Variants in HPSE2 observed in about 807,000 individuals in gnomAD.
The protein encoded by HPSE2 is heparanase 2 (inactive).
A neutral mutation model predicts 60.5 loss-of-function variants in HPSE2; 38 were observed. The ratio of observed to expected loss-of-function variants is 0.63; its 90% CI spans 0.48 to 0.82. The LOEUF (loss-of-function observed/expected upper bound fraction) is 0.82, where lower values mean the gene tolerates loss of function less well. Ranked by LOEUF, HPSE2 falls within the 40% of genes least tolerant of loss-of-function variation. HPSE2 has a pLI of 0.00. For missense variants in HPSE2, 713 were observed against 740.4 expected (o/e 0.96, Z 0.43); for synonymous variants, 295 against 293.2 (o/e 1.01, Z -0.06).
chr10:99,261,927 T>C, the HPSE2 span, among the ~76,000 whole-genome samples: 382 of 152,318 alleles, frequency 2.5e-3, 2 homozygotes, highest in Middle Eastern at 0.02. Flanking sequence ...TCCTCAGCTG[T>C]GTCCCATCTT....
In HPSE2 at chr10:98,938,575, T is replaced by C. The variant is rs1311332984; in HGVS notation, c.611-194519A>G. ...AAACAAACAAAGCCTCCAAGTAATA[T>C]GGGACTATGTGAAAAGACCAAATCT... is the stretch of plus-strand genomic sequence containing the variant. On this transcript the variant is annotated intron_variant, in intron 3 of 11. Coordinates refer to ENST00000370552, the MANE Select transcript of HPSE2 (RefSeq NM_021828.5). Among the ~76,000 whole-genome samples the C allele has an allele frequency of 8.3e-5, 12 of 143,922 alleles. 1 individual carries two copies. Among genetic ancestry groups the C allele is most frequent in the Non-Finnish European group, 1.3e-4 (9 of 67,214 alleles). The allele number at this position is 143,922 out of a possible 152,430, so 94.4% of individuals were successfully genotyped here.
chr10:98,806,239 A>C (rs1047199832), intron 3 of HPSE2, among the ~76,000 whole-genome samples: 8 of 152,184 alleles, frequency 5.3e-5, no homozygotes, highest in African/African-American at 1.9e-4. Context: ...AGAAATGAAA[A>C]ACCAAGACTT....
chr10:98,661,411 T>C (rs567410882), intron 6 of HPSE2, among the ~76,000 whole-genome samples: 2 of 152,338 alleles, frequency 1.3e-5, no homozygotes, highest in South Asian at 4.1e-4. Flanking sequence ...ACAAAAAGCA[T>C]ATGGTAAAAA....
At chr10:99,257,474 G>C in the HPSE2 span, among the ~76,000 whole-genome samples, 1 of 152,168 alleles carries the variant, frequency 6.6e-6, no homozygotes, top group African/African-American at 2.4e-5. Flanking sequence ...TATGGTCGAA[G>C]CTGTAGGGAT....
intron 2 of HPSE2, among the ~76,000 whole-genome samples, chr10:99,173,947 A>C (rs1409024477): frequency 2.1e-5 from 1 of 46,798 alleles, no homozygotes; most frequent in Non-Finnish European, 1.0e-4. Context: ...CTGTCTCAAA[A>C]AAAAAAAAAA....
intron 7 of HPSE2, among the ~76,000 whole-genome samples, chr10:98,633,930 A>G (rs1946430138): frequency 6.6e-6 from 1 of 152,368 alleles, no homozygotes. Context: ...ATCCTAATGT[A>G]GAATGAAAGA....
chr10:99,132,191 AAGAG>A (rs781059893), intron 3 of HPSE2, among the ~76,000 whole-genome samples: 21 of 71,900 alleles, frequency 2.9e-4, no homozygotes, highest in African/African-American at 1.3e-3. Flanking sequence ...GAAAGAAAGA[AAGAG>A]AGAGAGAGAG....
chr10:98,669,779 C>A (rs1947458706), intron 6 of HPSE2, among the ~76,000 whole-genome samples: 1 of 152,146 alleles, frequency 6.6e-6, no homozygotes, highest in African/African-American at 2.4e-5. Context: ...CTGTTGGGTA[C>A]TATGCTCACT....
chr10:99,188,107 A>T (rs1288411070), intron 2 of HPSE2, among the ~76,000 whole-genome samples: 1 of 152,218 alleles, frequency 6.6e-6, no homozygotes, highest in Non-Finnish European at 1.5e-5. Flanking sequence ...TGGGTCCTCC[A>T]ATCCCCTATG....
At chr10:98,944,098 A>G (rs1161788486) in intron 3 of HPSE2, among the ~76,000 whole-genome samples, 1 of 152,198 alleles carries the variant, frequency 6.6e-6, no homozygotes, top group Admixed American at 6.5e-5. Context: ...AGGTACAGGG[A>G]AGATGCTGAT....
At chr10:99,032,147 T>A (rs1040866465) in intron 3 of HPSE2, among the ~76,000 whole-genome samples, 2 of 152,168 alleles carry the variant, frequency 1.3e-5, no homozygotes, top group African/African-American at 4.8e-5. Flanking sequence ...TCCTGCTGAA[T>A]GTTTGGAGGA....
chr10:98,889,096 A>T (rs1482730673), intron 3 of HPSE2, among the ~76,000 whole-genome samples: 1 of 151,542 alleles, frequency 6.6e-6, no homozygotes, highest in Admixed American at 6.6e-5. Context: ...AACAACATAG[A>T]TTTTTTTTTC....
chr10:98,573,432 G>C (rs1484270123), intron 9 of HPSE2, among the ~76,000 whole-genome samples: 3 of 149,700 alleles, frequency 2.0e-5, no homozygotes, highest in Non-Finnish European at 4.4e-5. Flanking sequence ...ATTTTACCAT[G>C]AGGCAACTGA....
At chr10:98,599,332 T>C (rs140947559) in intron 9 of HPSE2, among the ~76,000 whole-genome samples, 2 of 152,204 alleles carry the variant, frequency 1.3e-5, no homozygotes, top group East Asian at 3.9e-4. Context: ...AATTGAACGG[T>C]GCTATCCTGA....
At chr10:98,580,442 C>T (rs917151254) in intron 9 of HPSE2, among the ~76,000 whole-genome samples, 2 of 151,878 alleles carry the variant, frequency 1.3e-5, no homozygotes, top group African/African-American at 4.8e-5. Flanking sequence ...TATTTTGTAT[C>T]TTTTTGTTTT....
At chr10:99,264,970 T>G in the HPSE2 span, among the ~76,000 whole-genome samples, 1 of 152,158 alleles carries the variant, frequency 6.6e-6, no homozygotes, top group African/African-American at 2.4e-5. Flanking sequence ...CATTTTGTTT[T>G]TTCTTATTAA....
At chr10:99,273,195 G>GTC in the HPSE2 span, among the ~76,000 whole-genome samples, 2 of 152,166 alleles carry the variant, frequency 1.3e-5, no homozygotes, top group South Asian at 4.1e-4. Flanking sequence ...TATGTTCTCA[G>GTC]TCATAAGTGG....
chr10:99,025,195 T>G (rs1957349966), intron 3 of HPSE2, among the ~76,000 whole-genome samples: 1 of 150,870 alleles, frequency 6.6e-6, no homozygotes, highest in African/African-American at 2.4e-5. Context: ...AGGTGTAGAG[T>G]TTTTATTGGT....
chr10:98,995,246 T>C (rs1473834693), intron 3 of HPSE2, among the ~76,000 whole-genome samples: 1 of 152,238 alleles, frequency 6.6e-6, no homozygotes, highest in African/African-American at 2.4e-5. Flanking sequence ...TAGTCAGCCA[T>C]CTTGTCTCCC....
Sources: gnomAD v4.1 joint callset for allele counts (sites outside exome capture counted in the v4.1 genomes callset) on GRCh38, gnomAD v4.1.1 for gene constraint, MANE v1.5 for transcripts, NCBI Gene and HGNC (gene_info 2026-07-23, HGNC 2026-07-21) for gene names.